PDZRN4: variants seen among roughly 807,000 people sequenced by gnomAD.
PDZRN4 encodes PDZ domain containing ring finger 4, also known as PDZ domain-containing RING finger protein 4.
Under a neutral mutation model 99.0 loss-of-function variants are expected in PDZRN4, and 70 were observed. That is an observed-to-expected ratio of 0.71 (90% CI 0.58 to 0.86). PDZRN4 has a LOEUF of 0.86. Ranked by LOEUF, PDZRN4 falls within the 40% of genes least tolerant of loss-of-function variation. The pLI is 0.00. For synonymous variants in PDZRN4, 551 were observed against 501.6 expected (o/e 1.10, Z -1.32); for missense variants, 1,474 against 1,331.2 (o/e 1.11, Z -1.67).
intron 3 of PDZRN4, among the ~76,000 whole-genome samples, chr12:41,364,242 C>T (rs1951981950): frequency 6.6e-6 from 1 of 151,906 alleles, no homozygotes; most frequent in South Asian, 2.1e-4. Flanking sequence ...TTAAATGTAC[C>T]CTTCCCACAG....
intron 3 of PDZRN4, among the ~76,000 whole-genome samples, chr12:41,442,951 C>T (rs930632131): frequency 6.6e-6 from 1 of 152,078 alleles, no homozygotes; most frequent in Non-Finnish European, 1.5e-5. Flanking sequence ...ATTTTATTTG[C>T]TAGAATGAGG....
chr12:41,356,545 A>G (rs966785840), intron 3 of PDZRN4, among the ~76,000 whole-genome samples: 4 of 151,998 alleles, frequency 2.6e-5, no homozygotes, highest in Non-Finnish European at 4.4e-5. Context: ...CCAACCATCA[A>G]CCTGTATTGT....
At chr12:41,262,202 T>C (rs765219549) in intron 3 of PDZRN4, among the ~76,000 whole-genome samples, 13 of 152,366 alleles carry the variant, frequency 8.5e-5, no homozygotes, top group Non-Finnish European at 1.3e-4. Flanking sequence ...GTGGTGCTGA[T>C]TGATGATACA....
chr12:41,353,417 T>C (rs12819966), intron 3 of PDZRN4, among the ~76,000 whole-genome samples: 1 of 152,216 alleles, frequency 6.6e-6, no homozygotes. Context: ...GCTTTTGAAC[T>C]TGTCAAGTCC....
chr12:41,385,691 C>CA (rs1486466136), intron 3 of PDZRN4, among the ~76,000 whole-genome samples: 1 of 152,032 alleles, frequency 6.6e-6, no homozygotes, highest in Non-Finnish European at 1.5e-5. Flanking sequence ...AGCCCACCAA[C>CA]CAAAAAAAGC....
chr12:41,426,525 G>T (rs1334528658), intron 3 of PDZRN4, among the ~76,000 whole-genome samples: 2 of 152,138 alleles, frequency 1.3e-5, no homozygotes, highest in African/African-American at 4.8e-5. Flanking sequence ...CATGATCTTA[G>T]AATCAAACCT....
chr12:41,570,117 C>T (rs1332606564), intron 9 of PDZRN4, among the ~76,000 whole-genome samples: 1 of 152,062 alleles, frequency 6.6e-6, no homozygotes, highest in African/African-American at 2.4e-5. Flanking sequence ...AGAGGTAATA[C>T]AAATGTTAGG....
intron 3 of PDZRN4, among the ~76,000 whole-genome samples, chr12:41,419,239 T>C (rs1592052482): frequency 6.6e-6 from 1 of 152,146 alleles, no homozygotes; most frequent in Admixed American, 6.6e-5. Flanking sequence ...ATAAAGCTGG[T>C]TGGACAACAA....
At chr12:41,469,714 G>A (rs1246721264) in intron 3 of PDZRN4, among the ~76,000 whole-genome samples, 1 of 152,038 alleles carries the variant, frequency 6.6e-6, no homozygotes, top group African/African-American at 2.4e-5. Flanking sequence ...GGCCGATCAC[G>A]AGGTCAGGAG....
chr12:41,562,110 A>G (rs1486256916), intron 7 of PDZRN4, among the ~76,000 whole-genome samples: 1 of 152,168 alleles, frequency 6.6e-6, no homozygotes, highest in Admixed American at 6.6e-5. Flanking sequence ...CAAATAGGGA[A>G]TGCATGTGAA....
intron 5 of PDZRN4, among the ~76,000 whole-genome samples, chr12:41,543,057 G>A (rs938548843): frequency 2.0e-4 from 31 of 152,076 alleles, no homozygotes; most frequent in African/African-American, 7.5e-4. Flanking sequence ...CACCTCTCTA[G>A]TGTCCTCTCT....
intron 3 of PDZRN4, among the ~76,000 whole-genome samples, chr12:41,351,379 A>G (rs1157607816): frequency 2.6e-5 from 4 of 152,088 alleles, no homozygotes; most frequent in African/African-American, 9.7e-5. Context: ...ATAGATGAAA[A>G]GGTAAGAGGA....
chr12:41,214,671 G>C (rs1950909742), intron 3 of PDZRN4, among the ~76,000 whole-genome samples: 1 of 151,924 alleles, frequency 6.6e-6, no homozygotes, highest in South Asian at 2.1e-4. Context: ...TGAAATGTTA[G>C]AGTTGAAAGC....
intron 3 of PDZRN4, among the ~76,000 whole-genome samples, chr12:41,418,458 T>C (rs1425341651): frequency 1.3e-5 from 2 of 152,166 alleles, no homozygotes; most frequent in Non-Finnish European, 2.9e-5. Context: ...GATACCAACC[T>C]TAAAAATGGC....
chr12:41,374,174 A>G (rs1253507255), intron 3 of PDZRN4, among the ~76,000 whole-genome samples: 8 of 152,324 alleles, frequency 5.3e-5, no homozygotes, highest in African/African-American at 1.9e-4. Flanking sequence ...GTACATGAAC[A>G]GTCATAACAT....
At chr12:41,347,590 A>G (rs1488587841) in intron 3 of PDZRN4, among the ~76,000 whole-genome samples, 1 of 151,998 alleles carries the variant, frequency 6.6e-6, no homozygotes, top group African/African-American at 2.4e-5. Context: ...TTCTTATTCT[A>G]TGGGTTGCAT....
intron 3 of PDZRN4, among the ~76,000 whole-genome samples, chr12:41,443,133 G>C (rs190674881): frequency 1.0e-3 from 154 of 152,240 alleles, no homozygotes; most frequent in African/African-American, 3.6e-3. Context: ...CCATGTGATA[G>C]TCCTTGCTTT....
chr12:41,351,358 C>T (rs551807427), intron 3 of PDZRN4, among the ~76,000 whole-genome samples: 360 of 152,128 alleles, frequency 2.4e-3, no homozygotes, highest in Non-Finnish European at 3.5e-3. Context: ...GTGGGGGATT[C>T]AGACATATAA....
Position 41,413,072 on chromosome 12 carries a change from A to C in PDZRN4, c.844-93384A>C, listed in dbSNP as rs548077970. On this transcript the variant is annotated intron_variant, in intron 3 of 9. Transcript: ENST00000402685. ...GCCACTGCACTCCAGCCTGGGCAAC[A>C]GAGTGAGACTCCATCTGAAAAAAAA... The C allele has an allele frequency of 4.7e-5, 7 of 149,390 alleles. No individual in the cohort carries two copies. In the East Asian group the frequency reaches 1.4e-3, roughly 29 times the overall value. 9.3% of individuals were successfully genotyped at this position (149,390 alleles called of 1,614,324 possible).
Sources: gnomAD v4.1 joint callset for allele counts (sites outside exome capture counted in the v4.1 genomes callset) on GRCh38, gnomAD v4.1.1 for gene constraint, MANE v1.5 for transcripts, NCBI Gene and HGNC (gene_info 2026-07-23, HGNC 2026-07-21) for gene names.